MTAP: variants seen among roughly 807,000 people sequenced by gnomAD.
MTAP encodes S-methyl-5'-thioadenosine phosphorylase.
A neutral mutation model predicts 33.6 loss-of-function variants in MTAP; 33 were observed. The ratio of observed to expected loss-of-function variants is 0.98; its 90% CI spans 0.74 to 1.31. The LOEUF (loss-of-function observed/expected upper bound fraction) is 1.31. Ranked by LOEUF, MTAP falls within the 40% of genes most tolerant of loss-of-function variation. MTAP has a pLI of 0.00. For missense variants in MTAP, 367 were observed against 360.0 expected (o/e 1.02, Z -0.16); for synonymous variants, 148 against 125.7 (o/e 1.18, Z -1.19).
chr9:21,918,349 CAAAAAAAAA>C (rs34446505), intron 1 of MTAP, among the ~76,000 whole-genome samples: 8 of 23,812 alleles, frequency 3.4e-4, no homozygotes, highest in Non-Finnish European at 5.0e-4. Flanking sequence ...GACTCCGTCT[CAAAAAAAAA>C]AAAAAAAAAA....
At chr9:21,902,300 G>C (rs1332684113) in intron 1 of MTAP, among the ~76,000 whole-genome samples, 1 of 152,188 alleles carries the variant, frequency 6.6e-6, no homozygotes, top group African/African-American at 2.4e-5. Flanking sequence ...TGTAGCTCAT[G>C]AGTCAGATCC....
Position 21,866,719 on chromosome 9 carries a change from C to G in MTAP, c.*4705C>G, listed in dbSNP as rs1003062797. ...AGATTGTTTTGGCTATAGGTCCTTTCTTTATAAAGTTTATATTAAGCTTCT... is the reference window on the plus strand; with the variant it reads ...AGATTGTTTTGGCTATAGGTCCTTTGTTTATAAAGTTTATATTAAGCTTCT... On this transcript the variant is annotated 3_prime_UTR_variant, in exon 8 of 8. Transcript: ENST00000644715. The G allele has an allele frequency of 2.0e-5, 3 of 152,060 alleles. No homozygotes were observed. Among genetic ancestry groups the G allele is most frequent in the African/African-American group, 4.8e-5 (2 of 41,434 alleles). 9.4% of individuals were successfully genotyped at this position (152,060 alleles called of 1,614,324 possible). A position where few individuals can be genotyped will look rare whatever the true frequency, so the allele number is the denominator to read the frequency against.
intron 1 of MTAP, among the ~76,000 whole-genome samples, chr9:21,919,147 G>T (rs1693989116): frequency 6.6e-6 from 1 of 152,108 alleles, no homozygotes; most frequent in Admixed American, 6.5e-5. Context: ...TTGGTTAGTG[G>T]GTTTGTAGCT....
chr9:21,903,813 A>C (rs530936811), intron 1 of MTAP, among the ~76,000 whole-genome samples: 1 of 152,084 alleles, frequency 6.6e-6, no homozygotes, highest in Non-Finnish European at 1.5e-5. Flanking sequence ...AGGGGTGAAT[A>C]TTTACAGCTC....
chr9:21,887,461 A>G (rs1180856293), intron 1 of MTAP, among the ~76,000 whole-genome samples: 4 of 152,130 alleles, frequency 2.6e-5, no homozygotes, highest in African/African-American at 7.2e-5. Flanking sequence ...TTATGGCTGC[A>G]TAGTATTCCA....
At chr9:21,823,022 C>T (rs1036465419) in intron 4 of MTAP, among the ~76,000 whole-genome samples, 69 of 152,100 alleles carry the variant, frequency 4.5e-4, no homozygotes, top group Non-Finnish European at 5.0e-4. Flanking sequence ...CTATGTGTGT[C>T]TCTGCACGTG....
intron 1 of MTAP, among the ~76,000 whole-genome samples, chr9:21,805,376 T>TGGGGA: frequency 6.6e-6 from 1 of 152,186 alleles, no homozygotes; most frequent in East Asian, 1.9e-4. Flanking sequence ...TGCTAGACAA[T>TGGGGA]GGGGATGCAG....
At chr9:21,904,247 C>G (rs1429175938) in intron 1 of MTAP, among the ~76,000 whole-genome samples, 3 of 152,174 alleles carry the variant, frequency 2.0e-5, no homozygotes, top group Admixed American at 6.5e-5. Flanking sequence ...GTTCAGCCGC[C>G]TGTGTATCTG....
At chr9:21,824,541 G>A (rs993920214) in intron 4 of MTAP, among the ~76,000 whole-genome samples, 5 of 152,304 alleles carry the variant, frequency 3.3e-5, no homozygotes, top group South Asian at 2.1e-4. Context: ...TAGCCTACTC[G>A]GGGTTCAGGG....
At position 21,900,038 on chromosome 9, in the gene MTAP, A is replaced by T. The variant is rs919959784; in HGVS notation, c.148-30970A>T. Among the ~76,000 whole-genome samples the T allele has an allele frequency of 2.6e-5, 4 of 152,206 alleles. No individual in the cohort carries two copies. The East Asian group carries it at 7.7e-4, about 29-fold the overall frequency. Reference sequence around the variant, plus strand: ...ATATACAAAAATCAACTCAGGATGCATTAAACACTTAAATGTAAAACCTAG... The same window carrying T: ...ATATACAAAAATCAACTCAGGATGCTTTAAACACTTAAATGTAAAACCTAG... On this transcript the variant is annotated intron_variant, in intron 1 of 1. Transcript: ENST00000577563.
rs184164575 is a variant in MTAP, at chr9:21,839,039, A to G, written c.450+1029A>G. On this transcript the variant is annotated intron_variant, in intron 5 of 7. Coordinates refer to ENST00000644715, the MANE Select transcript of MTAP (RefSeq NM_002451.4). ...CAGCAAGGGCACCTAAACTGAGGAC[A>G]CAGGGTTGGGAGAAATATTTCTAGT... Among the ~76,000 whole-genome samples, 7 of 152,330 alleles carry G rather than the reference A, an allele frequency of 4.6e-5. No homozygotes were observed. In the East Asian group the frequency reaches 1.4e-3, roughly 29 times the overall value.
At chr9:21,869,822 C>G (rs1384853369), downstream of MTAP, among the ~76,000 whole-genome samples, 1 of 152,190 alleles carries the variant, frequency 6.6e-6, no homozygotes, top group Admixed American at 6.5e-5. Flanking sequence ...CCTGTGTCTA[C>G]TTTTGTTCCC....
At chr9:21,861,803 G>A (rs991653490) in intron 7 of MTAP, 173 bp from the exon 8 acceptor site, 65 of 614,414 alleles carry the variant, frequency 1.1e-4, no homozygotes, top group Non-Finnish European at 1.7e-4. Context: ...TAGAGTACCC[G>A]AAGTTCCACA....
chr9:21,867,520 A>T (rs181853936), downstream of MTAP, among the ~76,000 whole-genome samples: 1 of 152,062 alleles, frequency 6.6e-6, no homozygotes, highest in African/African-American at 2.4e-5. Context: ...CTTAGTCATG[A>T]TATGTTATCC....
chr9:21,861,784 C>T (rs920461819), intron 7 of MTAP, 192 bp from the exon 8 acceptor site: 8 of 597,800 alleles, frequency 1.3e-5, no homozygotes, highest in South Asian at 8.4e-5. Context: ...AGGTGAGGAA[C>T]CAAGAGTTTA....
intron 1 of MTAP, chr9:21,811,651 C>G: frequency 1.9e-6 from 1 of 523,170 alleles, no homozygotes; most frequent in Non-Finnish European, 3.9e-6. Context: ...CTCACTCAAA[C>G]TCTTCCTCCT....
chr9:21,894,501 C>G (rs1175629774), intron 1 of MTAP, among the ~76,000 whole-genome samples: 3 of 149,692 alleles, frequency 2.0e-5, no homozygotes, highest in Non-Finnish European at 3.0e-5. Flanking sequence ...TAGAAGACTC[C>G]ATAGTGAACA....
intron 1 of MTAP, among the ~76,000 whole-genome samples, chr9:21,918,595 C>A (rs1818733877): frequency 1.3e-5 from 2 of 152,114 alleles, no homozygotes; most frequent in African/African-American, 4.8e-5. Context: ...TGCATCCTCG[C>A]CCAAATCTCA....
At chr9:21,912,920 G>A (rs901466043) in intron 1 of MTAP, among the ~76,000 whole-genome samples, 14 of 152,320 alleles carry the variant, frequency 9.2e-5, no homozygotes, top group Middle Eastern at 6.8e-3. Flanking sequence ...AAGCTGATAA[G>A]CAACTTCAGC....
Sources: gnomAD v4.1 joint callset for allele counts (sites outside exome capture counted in the v4.1 genomes callset) on GRCh38, gnomAD v4.1.1 for gene constraint, MANE v1.5 for transcripts, NCBI Gene and HGNC (gene_info 2026-07-23, HGNC 2026-07-21) for gene names.